EBF1: variants seen among roughly 807,000 people sequenced by gnomAD.
EBF1 encodes the protein transcription factor COE1.
Under a neutral mutation model 68.4 loss-of-function variants are expected in EBF1, and 10 were observed. That is an observed-to-expected ratio of 0.15 (90% CI 0.09 to 0.25). EBF1 has a LOEUF of 0.25. Among genes scored for constraint, EBF1 ranks in the 10% least tolerant of loss-of-function variants. EBF1 has a pLI of 1.00. For synonymous variants in EBF1, 298 were observed against 299.8 expected (o/e 0.99, Z 0.06); for missense variants, 509 against 794.4 (o/e 0.64, Z 4.32).
intron 6 of EBF1, among the ~76,000 whole-genome samples, chr5:159,021,424 C>G (rs1766656731): frequency 6.6e-6 from 1 of 152,186 alleles, no homozygotes; most frequent in African/African-American, 2.4e-5. Flanking sequence ...CACTAATGCC[C>G]TAAATTCTGC....
intron 6 of EBF1, among the ~76,000 whole-genome samples, chr5:158,938,688 C>T (rs1812604470): frequency 6.6e-6 from 1 of 152,198 alleles, no homozygotes; most frequent in African/African-American, 2.4e-5. Context: ...AGAGAGCGCT[C>T]TCCTCTCTTT....
chr5:158,891,587 C>T, intron 6 of EBF1, among the ~76,000 whole-genome samples: 1 of 152,024 alleles, frequency 6.6e-6, no homozygotes, highest in Non-Finnish European at 1.5e-5. Flanking sequence ...GGTAATTTTC[C>T]TTCTTAGAGC....
chr5:158,855,455 C>T (rs1793792736), intron 6 of EBF1, among the ~76,000 whole-genome samples: 1 of 152,180 alleles, frequency 6.6e-6, no homozygotes, highest in South Asian at 2.1e-4. Context: ...AGTTCCCATT[C>T]GTGAGCACCC....
intron 6 of EBF1, among the ~76,000 whole-genome samples, chr5:159,048,992 G>A (rs938338760): frequency 6.6e-6 from 1 of 152,194 alleles, no homozygotes; most frequent in African/African-American, 2.4e-5. Flanking sequence ...GTAAAAAGGA[G>A]GTAATAATGT....
chr5:158,743,773 T>G (rs1446691718), intron 10 of EBF1, among the ~76,000 whole-genome samples: 1 of 152,094 alleles, frequency 6.6e-6, no homozygotes, highest in East Asian at 1.9e-4. Context: ...GAAAGAAAAC[T>G]ATATACAGGA....
intron 6 of EBF1, among the ~76,000 whole-genome samples, chr5:158,845,819 A>G (rs895583241): frequency 2.6e-5 from 4 of 152,212 alleles, no homozygotes; most frequent in African/African-American, 9.6e-5. Flanking sequence ...TAAATCGTGG[A>G]GAACTCCAGC....
At chr5:158,939,200 C>T (rs1432207679) in intron 6 of EBF1, among the ~76,000 whole-genome samples, 1 of 152,174 alleles carries the variant, frequency 6.6e-6, no homozygotes, top group Non-Finnish European at 1.5e-5. Context: ...GGGACAAGGG[C>T]TGAGTCTTCT....
At chr5:158,798,022 A>T (rs957727657) in intron 8 of EBF1, among the ~76,000 whole-genome samples, 9 of 152,152 alleles carry the variant, frequency 5.9e-5, no homozygotes, top group Admixed American at 5.9e-4. Flanking sequence ...TAAATGCATG[A>T]TTAAGTACTC....
At chr5:158,896,059 A>G (rs1236616236) in intron 6 of EBF1, among the ~76,000 whole-genome samples, 1 of 152,206 alleles carries the variant, frequency 6.6e-6, no homozygotes, top group Admixed American at 6.5e-5. Context: ...GAACAAGGAA[A>G]GGTTCTTTAG....
chr5:158,746,443 C>A (rs370622077), intron 10 of EBF1, among the ~76,000 whole-genome samples: 2 of 152,152 alleles, frequency 1.3e-5, no homozygotes, highest in Non-Finnish European at 2.9e-5. Context: ...AAAGTAGGCC[C>A]AGTGGCCACA....
In EBF1 at chr5:159,099,714, A is replaced by T; in HGVS notation, c.-236T>A. On this transcript the variant is annotated 5_prime_UTR_variant, in exon 1 of 16. Coordinates refer to ENST00000313708, the MANE Select transcript of EBF1 (RefSeq NM_024007.5). ...AACCCGAAAAAAAGAAGAAAGGGAA[A>T]ATCCAACGAAAAGACCAAAATAATA... 1 of 363,584 alleles carries T rather than the reference A, an allele frequency of 2.8e-6. No homozygotes were observed. Among genetic ancestry groups the T allele is most frequent in the Non-Finnish European group, 4.7e-6 (1 of 214,252 alleles). The allele number at this position is 363,584 out of a possible 1,614,324, so 22.5% of individuals were successfully genotyped here.
chr5:158,727,477 C>T (rs1182931918), intron 11 of EBF1, among the ~76,000 whole-genome samples: 1 of 152,222 alleles, frequency 6.6e-6, no homozygotes, highest in Non-Finnish European at 1.5e-5. Flanking sequence ...TAAGAAAAGT[C>T]AACCTTGACC....
At chr5:158,903,865 C>T (rs1160018964) in intron 6 of EBF1, among the ~76,000 whole-genome samples, 1 of 152,096 alleles carries the variant, frequency 6.6e-6, no homozygotes, top group African/African-American at 2.4e-5. Flanking sequence ...TGCTTATATT[C>T]CTGAGGTAAT....
At chr5:158,852,267 G>A (rs1793102737) in intron 6 of EBF1, among the ~76,000 whole-genome samples, 1 of 151,918 alleles carries the variant, frequency 6.6e-6, no homozygotes, top group South Asian at 2.1e-4. Context: ...AGGATGAAAA[G>A]TATTTTGAAA....
intron 6 of EBF1, among the ~76,000 whole-genome samples, chr5:159,062,609 G>A (rs1472765859): frequency 2.0e-5 from 3 of 152,182 alleles, no homozygotes; most frequent in African/African-American, 7.2e-5. Flanking sequence ...TAAAACAAAG[G>A]CGCTGCTTGC....
chr5:158,777,330 C>T, intron 10 of EBF1, 83 bp downstream of exon 10: 2 of 1,328,168 alleles, frequency 1.5e-6, no homozygotes, highest in Non-Finnish European at 2.0e-6. Flanking sequence ...AAATAAAATA[C>T]ATGCTTTTAT....
At chr5:158,950,349 A>G (rs1315661183) in intron 6 of EBF1, among the ~76,000 whole-genome samples, 4 of 152,182 alleles carry the variant, frequency 2.6e-5, no homozygotes, top group Non-Finnish European at 5.9e-5. Context: ...AAGAATAGTA[A>G]CCTGTTCTTC....
chr5:159,042,870 A>AT lies in EBF1; in HGVS notation c.554+30525_554+30526insA, dbSNP rs199607154. Among the ~76,000 whole-genome samples, 497 of 151,936 alleles carry AT rather than the reference A, an allele frequency of 3.3e-3. 15 individuals carry two copies. In the East Asian group the frequency reaches 0.046, roughly 14 times the overall value. On this transcript the variant is annotated intron_variant, in intron 6 of 15. Transcript: ENST00000313708. The stretch of plus-strand genomic sequence containing the variant: ...ACCAAACATTCACAGTAAAAAAAAA[A>AT]AAATAAAAAAGTTAAATAGGATGTC...
rs554684034 is a variant in EBF1, at chr5:158,970,937, T to C, written c.554+102459A>G. ...AAGTAGCTTTTAGAAGGAGATTCTT[T>C]CTCCAAGTTTAGCCTTACAGGGAGG... On this transcript the variant is annotated intron_variant, in intron 6 of 15. Coordinates refer to ENST00000313708, the MANE Select transcript of EBF1 (RefSeq NM_024007.5). Among the ~76,000 whole-genome samples, 4 of 152,284 alleles carry C rather than the reference T, an allele frequency of 2.6e-5. No homozygotes were observed. In the South Asian group the frequency reaches 8.3e-4, roughly 32 times the overall value.
Sources: gnomAD v4.1 joint callset for allele counts (sites outside exome capture counted in the v4.1 genomes callset) on GRCh38, gnomAD v4.1.1 for gene constraint, MANE v1.5 for transcripts, NCBI Gene and HGNC (gene_info 2026-07-23, HGNC 2026-07-21) for gene names.